INTS15: variants seen among roughly 807,000 people sequenced by gnomAD.
The protein encoded by INTS15 is uncharacterized protein C7orf26.
At chr7:6,592,828 A>G in the INTS15 span, among the ~76,000 whole-genome samples, 2 of 151,930 alleles carry the variant, frequency 1.3e-5, no homozygotes, top group Non-Finnish European at 2.9e-5. Context: ...CAGACTGGTC[A>G]CGAACTCCTG....
the INTS15 span, chr7:6,599,744 C>A: frequency 1.5e-6 from 2 of 1,376,896 alleles, no homozygotes; most frequent in Non-Finnish European, 2.0e-6. Context: ...TGCCATGGGC[C>A]TTGGGGTCAG....
At chr7:6,595,635 C>T in the INTS15 span, among the ~76,000 whole-genome samples, 1 of 152,208 alleles carries the variant, frequency 6.6e-6, no homozygotes, top group African/African-American at 2.4e-5. Context: ...GACCCACTCC[C>T]TGGACATATG....
the INTS15 span, among the ~76,000 whole-genome samples, chr7:6,605,611 G>A: frequency 1.3e-5 from 2 of 152,148 alleles, no homozygotes; most frequent in African/African-American, 4.8e-5. Context: ...CTCTCCTGAC[G>A]CAGATTTGGG....
At chr7:6,599,120 A>G in the INTS15 span, among the ~76,000 whole-genome samples, 15 of 152,176 alleles carry the variant, frequency 9.9e-5, no homozygotes, top group African/African-American at 3.6e-4. Context: ...ACTTGACATG[A>G]CTGTCCCTCA....
chr7:6,608,233 C>T, the INTS15 span: 1 of 1,520,706 alleles, frequency 6.6e-7, no homozygotes, highest in Non-Finnish European at 8.8e-7. Flanking sequence ...GCCGGACTCC[C>T]AGAAGAGAAC....
the INTS15 span, chr7:6,607,685 T>C: frequency 6.6e-7 from 1 of 1,523,798 alleles, no homozygotes; most frequent in African/African-American, 1.4e-5. This position sits in a 1 kb window ranked among gnomAD's most constrained non-coding sequence, Gnocchi z 6.0. Flanking sequence ...GAGGCTGACG[T>C]GGAGGCCACC....
At chr7:6,608,140 T>C in the INTS15 span, 1 of 1,567,770 alleles carries the variant, frequency 6.4e-7, no homozygotes, top group East Asian at 2.3e-5. Flanking sequence ...GCGTGACCTT[T>C]CCCTTCAGGC....
the INTS15 span, among the ~76,000 whole-genome samples, chr7:6,604,282 T>G: frequency 6.6e-6 from 1 of 152,118 alleles, no homozygotes; most frequent in African/African-American, 2.4e-5. Flanking sequence ...CCGATGCAGT[T>G]ACTAACTAGC....
At chr7:6,590,288 G>C in the INTS15 span, 9 of 1,560,950 alleles carry the variant, frequency 5.8e-6, no homozygotes, top group South Asian at 1.0e-4. Context: ...CGCACCATGA[G>C]CGACATCCGC....
chr7:6,598,847 G>C, the INTS15 span, among the ~76,000 whole-genome samples: 9 of 149,810 alleles, frequency 6.0e-5, no homozygotes, highest in Admixed American at 6.1e-4. Context: ...TGTACAGTGG[G>C]ACAGCCACAG....
the INTS15 span, chr7:6,602,372 G>A: frequency 1.9e-6 from 1 of 515,670 alleles, no homozygotes; most frequent in Non-Finnish European, 3.5e-6. Flanking sequence ...ATCACCGAAA[G>A]CTCCCTAGTG....
the INTS15 span, among the ~76,000 whole-genome samples, chr7:6,590,829 T>C: frequency 2.0e-5 from 3 of 152,032 alleles, no homozygotes; most frequent in African/African-American, 7.2e-5. Flanking sequence ...TTTTCTTTTT[T>C]TTTTCTTTCT....
chr7:6,591,513 C>T, the INTS15 span: 1 of 707,254 alleles, frequency 1.4e-6, no homozygotes, highest in Non-Finnish European at 2.5e-6. Context: ...ATTCGCCCAC[C>T]TTGGCCTCCC....
chr7:6,595,644 T>C, the INTS15 span, among the ~76,000 whole-genome samples: 1 of 152,202 alleles, frequency 6.6e-6, no homozygotes, highest in Middle Eastern at 3.2e-3. Context: ...CCTGGACATA[T>C]GACTTGATTT....
At chr7:6,596,823 C>G in the INTS15 span, among the ~76,000 whole-genome samples, 1 of 151,244 alleles carries the variant, frequency 6.6e-6, no homozygotes. Flanking sequence ...CGCTCTGTCG[C>G]CCAGGCTGGA....
chr7:6,591,722 T>C, the INTS15 span: 1 of 1,614,234 alleles, frequency 6.2e-7, no homozygotes, highest in Non-Finnish European at 8.5e-7. Context: ...AAGGACTCTG[T>C]TCGGCAGATT....
At chr7:6,606,931 ACTC>A in the INTS15 span, among the ~76,000 whole-genome samples, 1 of 150,780 alleles carries the variant, frequency 6.6e-6, no homozygotes, top group Non-Finnish European at 1.5e-5. Context: ...CTGGTCTTGA[ACTC>A]CTGGCGTCAA....
the INTS15 span, among the ~76,000 whole-genome samples, chr7:6,593,937 C>T: frequency 6.6e-5 from 10 of 151,614 alleles, no homozygotes; most frequent in Admixed American, 2.0e-4. Context: ...AGGCATGAGC[C>T]GCCGTGCCCA....
the INTS15 span, among the ~76,000 whole-genome samples, chr7:6,591,276 T>C: frequency 3.3e-5 from 5 of 150,892 alleles, no homozygotes; most frequent in South Asian, 4.2e-4. Flanking sequence ...TTCTTTTTTT[T>C]TTTTTTTTTG....
Sources: gnomAD v4.1 joint callset for allele counts (sites outside exome capture counted in the v4.1 genomes callset) on GRCh38, gnomAD v4.1.1 for gene constraint, Gnocchi (gnomAD v3.1) non-coding constraint, MANE v1.5 for transcripts, NCBI Gene and HGNC (gene_info 2026-07-23, HGNC 2026-07-21) for gene names.